Variants in THEMIS observed in about 807,000 individuals in gnomAD.
THEMIS encodes thymocyte selection associated, also known as protein THEMIS.
A neutral mutation model predicts 52.6 loss-of-function variants in THEMIS; 37 were observed. That is an observed-to-expected ratio of 0.70 (90% CI 0.54 to 0.93). The LOEUF (loss-of-function observed/expected upper bound fraction) is 0.93. Among genes scored for constraint, THEMIS ranks in the 40% least tolerant of loss-of-function variants. The pLI, the probability that THEMIS is intolerant of heterozygous loss-of-function variation, is 0.00. For missense variants in THEMIS, 808 were observed against 763.1 expected (o/e 1.06, Z -0.69); for synonymous variants, 292 against 272.7 (o/e 1.07, Z -0.70).
At chr6:127,721,874 T>G (rs1370666223) in intron 4 of THEMIS, among the ~76,000 whole-genome samples, 5 of 152,048 alleles carry the variant, frequency 3.3e-5, no homozygotes, top group Non-Finnish European at 7.4e-5. Context: ...AAGCTTCATG[T>G]TTGTTCATAC....
At chr6:127,782,213 G>A (rs1776768332) in intron 4 of THEMIS, among the ~76,000 whole-genome samples, 1 of 152,190 alleles carries the variant, frequency 6.6e-6, no homozygotes, top group Non-Finnish European at 1.5e-5. Flanking sequence ...TTTCAAGCCA[G>A]TGGATGTTAC....
At chr6:127,753,691 T>G (rs943526036) in intron 4 of THEMIS, among the ~76,000 whole-genome samples, 2 of 152,008 alleles carry the variant, frequency 1.3e-5, no homozygotes, top group African/African-American at 4.8e-5. Context: ...AACATATATG[T>G]TTTGGAATAT....
intron 4 of THEMIS, among the ~76,000 whole-genome samples, chr6:127,731,960 C>A (rs1774823014): frequency 6.8e-6 from 1 of 147,026 alleles, no homozygotes; most frequent in Non-Finnish European, 1.5e-5. Context: ...CTCACCTCGG[C>A]CTCCCAAAGT....
chr6:127,791,958 A>C (rs368418527), intron 4 of THEMIS, among the ~76,000 whole-genome samples: 2 of 152,200 alleles, frequency 1.3e-5, no homozygotes, highest in Non-Finnish European at 2.9e-5. Flanking sequence ...TGAAGGGGCA[A>C]GGGTGTTTCC....
At chr6:127,758,697 T>G (rs186255018) in intron 4 of THEMIS, among the ~76,000 whole-genome samples, 91 of 152,134 alleles carry the variant, frequency 6.0e-4, no homozygotes, top group Non-Finnish European at 8.8e-5. Flanking sequence ...AGATTTCTAA[T>G]TGTGTGATTT....
At chr6:127,792,735 A>AT (rs1777200103) in intron 4 of THEMIS, among the ~76,000 whole-genome samples, 1 of 152,208 alleles carries the variant, frequency 6.6e-6, no homozygotes, top group Non-Finnish European at 1.5e-5. Flanking sequence ...ATAATAGGAA[A>AT]TAACAGTTTT....
intron 5 of THEMIS, among the ~76,000 whole-genome samples, chr6:127,711,331 T>C (rs72965737): frequency 0.055 from 8,325 of 152,114 alleles, 267 homozygotes; most frequent in Non-Finnish European, 0.08. Context: ...AAACAAAATA[T>C]GCAGTTCTGT....
In THEMIS at chr6:127,756,209, C is replaced by T. The variant is rs77086380; in HGVS notation, c.1759-36386G>A. Among the ~76,000 whole-genome samples the T allele has an allele frequency of 4.6e-3, 703 of 152,178 alleles. 6 individuals are homozygous for T. The highest frequency in any genetic ancestry group is 0.016 in the African/African-American group (666 of 41,532). On this transcript the variant is annotated intron_variant, in intron 4 of 5. Coordinates refer to ENST00000368248, the MANE Select transcript of THEMIS (RefSeq NM_001010923.3). ...ATTATACAAGGCTGTCAGGTAAAAACGGTAGAACACAAACATCTCCTTAAT... is the reference window on the plus strand; with the variant it reads ...ATTATACAAGGCTGTCAGGTAAAAATGGTAGAACACAAACATCTCCTTAAT...
rs1314348064 is a variant in THEMIS at position 127,812,958 on chromosome 6, G to C, written c.1683C>G (p.Pro561=). ...GGGTTAACTTTGTTTCCTCTACTGA[G>C]GGGTGTTTCGGAGGGCGAGGTGGGG... is the stretch of plus-strand genomic sequence containing the variant. ...SHPPPRPPKH[P]SVEETKLTLL... Residue 561 remains proline (P), a synonymous_variant, in exon 4 of 6, where the codon CCC becomes CCG. Coordinates refer to ENST00000368248, the MANE Select transcript of THEMIS (RefSeq NM_001010923.3). 6.2e-7 allele frequency: 1 copy of C among 1,614,054 alleles called. No individual in the cohort carries two copies.
chr6:127,874,649 G>A (rs910076517), intron 1 of THEMIS, among the ~76,000 whole-genome samples: 7 of 152,110 alleles, frequency 4.6e-5, no homozygotes, highest in African/African-American at 1.7e-4. Flanking sequence ...CAAGAGTCAA[G>A]TGTACTAAAC....
intron 3 of THEMIS, among the ~76,000 whole-genome samples, chr6:127,826,616 T>C (rs1778515743): frequency 6.6e-6 from 1 of 152,176 alleles, no homozygotes; most frequent in African/African-American, 2.4e-5. Flanking sequence ...CATGACACTA[T>C]TTTAAAAGTT....
Position 127,805,940 on chromosome 6 carries a change from C to A in THEMIS, c.1758+6943G>T, listed in dbSNP as rs189328810. Among the ~76,000 whole-genome samples, 646 of 151,902 alleles carry A rather than the reference C, an allele frequency of 4.3e-3. 3 individuals carry two copies. The highest frequency in any genetic ancestry group is 7.1e-3 in the Non-Finnish European group (481 of 67,926). ...AGCCAACTGGAACTTATCTCCTCTA[C>A]TTTTCTTCAACTGCTCTTTTGATTT... On this transcript the variant is annotated intron_variant, in intron 4 of 5. Coordinates refer to ENST00000368248, the MANE Select transcript of THEMIS (RefSeq NM_001010923.3).
intron 4 of THEMIS, among the ~76,000 whole-genome samples, chr6:127,743,546 G>A (rs568166594): frequency 6.6e-6 from 1 of 152,120 alleles, no homozygotes; most frequent in South Asian, 2.1e-4. Context: ...GAGTATAAAG[G>A]GTTTCTTAGG....
chr6:127,819,004 CAGGTACT>C (rs1286202064), intron 3 of THEMIS, among the ~76,000 whole-genome samples: 1 of 150,850 alleles, frequency 6.6e-6, no homozygotes, highest in Non-Finnish European at 1.5e-5. Flanking sequence ...CCCGTAGTCC[CAGGTACT>C]ATGGAGGCTG....
chr6:127,716,564 T>G (rs1185278230), intron 5 of THEMIS, among the ~76,000 whole-genome samples: 1 of 151,960 alleles, frequency 6.6e-6, no homozygotes, highest in Non-Finnish European at 1.5e-5. Flanking sequence ...TGGGATCAGT[T>G]GAGGTCTTTG....
At chr6:127,808,031 G>T (rs1305003310) in intron 4 of THEMIS, among the ~76,000 whole-genome samples, 1 of 152,044 alleles carries the variant, frequency 6.6e-6, no homozygotes, top group Non-Finnish European at 1.5e-5. Context: ...TGCCATTACT[G>T]CCTCCCTTGC....
At chr6:127,793,985 G>C (rs1270993360) in intron 4 of THEMIS, among the ~76,000 whole-genome samples, 2 of 152,084 alleles carry the variant, frequency 1.3e-5, no homozygotes, top group Non-Finnish European at 2.9e-5. Context: ...CCCCAAAAAA[G>C]CATCGTATTT....
intron 3 of THEMIS, among the ~76,000 whole-genome samples, chr6:127,827,924 A>T (rs556848606): frequency 6.6e-6 from 1 of 152,060 alleles, no homozygotes; most frequent in Admixed American, 6.6e-5. Flanking sequence ...TCCACTCCCC[A>T]TTGCATGTGT....
intron 1 of THEMIS, among the ~76,000 whole-genome samples, chr6:127,900,474 T>C (rs1781102893): frequency 6.6e-6 from 1 of 152,106 alleles, no homozygotes. Flanking sequence ...GTTGCTTTTG[T>C]TTTAGCAAGC....
Sources: allele counts gnomAD v4.1 joint callset (sites outside exome capture counted in the v4.1 genomes callset), GRCh38; gene constraint gnomAD v4.1.1; transcripts MANE v1.5; gene names NCBI Gene and HGNC (gene_info 2026-07-23, HGNC 2026-07-21).